CSE1L: variants seen among roughly 807,000 people sequenced by gnomAD.
CSE1L encodes the protein exportin-2.
In CSE1L, 24 loss-of-function variants were observed where a neutral mutation model predicts 120.4. That is an observed-to-expected ratio of 0.20 (90% CI 0.14 to 0.28). CSE1L has a LOEUF of 0.28. Among genes scored for constraint, CSE1L ranks in the 10% least tolerant of loss-of-function variants. The pLI is 1.00. For missense variants in CSE1L, 830 were observed against 1,145.2 expected (o/e 0.72, Z 3.97); for synonymous variants, 402 against 398.3 (o/e 1.01, Z -0.11).
Position 49,072,686 on chromosome 20 carries a change from T to C in CSE1L, c.1055T>C (p.Met352Thr). 2 of 1,608,502 alleles carry C rather than the reference T, an allele frequency of 1.2e-6. No homozygotes were observed. The highest frequency in any genetic ancestry group is 8.5e-7 in the Non-Finnish European group (1 of 1,178,586). Residue 352 changes from methionine to threonine, a missense_variant, in exon 10 of 25, where the codon ATG (methionine) becomes ACG (threonine). Coordinates refer to ENST00000262982, the MANE Select transcript of CSE1L (RefSeq NM_001316.4). ...SICEKVIVPN[M>T]EFRAADEEAF... ...TGTGAAAAGGTTATTGTGCCTAACA[T>C]GGAATTTAGAGGTAATTATGGCAAA... is the stretch of plus-strand genomic sequence containing the variant.
intron 1 of CSE1L, among the ~76,000 whole-genome samples, chr20:49,050,781 A>G (rs2091761348): frequency 6.6e-6 from 1 of 151,778 alleles, no homozygotes; most frequent in Non-Finnish European, 1.5e-5. Flanking sequence ...CTGGTCTTGA[A>G]CGGTCCTTGG....
chr20:49,051,998 A>G (rs1381806253), intron 1 of CSE1L, among the ~76,000 whole-genome samples: 1 of 152,236 alleles, frequency 6.6e-6, no homozygotes, highest in Non-Finnish European at 1.5e-5. Context: ...GCCAGGCCAG[A>G]ACAAATCTAA....
At chr20:49,049,891 G>T (rs141507805) in intron 1 of CSE1L, among the ~76,000 whole-genome samples, 6 of 152,162 alleles carry the variant, frequency 3.9e-5, no homozygotes, top group Non-Finnish European at 2.9e-5. Context: ...GCCAGGTGTG[G>T]TGGTGTGTGC....
chr20:49,053,405 C>T (rs2091784071), intron 1 of CSE1L, among the ~76,000 whole-genome samples: 1 of 118,782 alleles, frequency 8.4e-6, no homozygotes, highest in Non-Finnish European at 1.6e-5. Context: ...GTTGCCCAGG[C>T]TGGAGTGCAA....
intron 17 of CSE1L, 121 bp downstream of exon 17, chr20:49,088,227 C>A: frequency 1.4e-6 from 1 of 691,798 alleles, no homozygotes; most frequent in Non-Finnish European, 2.5e-6. Flanking sequence ...TCCTGACCAG[C>A]CACTAATGGA....
At chr20:49,091,113 C>A in intron 21 of CSE1L, 91 bp downstream of exon 21, 3 of 936,456 alleles carry the variant, frequency 3.2e-6, no homozygotes, top group Non-Finnish European at 5.0e-6. Flanking sequence ...ATTTTTTATC[C>A]GTTTTAAACT....
At position 49,096,372 on chromosome 20, in the gene CSE1L, C is replaced by T; in HGVS notation, c.2850C>T (p.Ser950=). ...PGRVPSMVST[S]LNAEALQYLQ... is the part of the protein sequence containing the mutation. The stretch of plus-strand genomic sequence containing the variant: ...AGGTTCCATCAATGGTGAGCACCAG[C>T]CTGAATGCAGAAGCGCTCCAGTATC... The change falls in exon 25 of 25, where the codon AGC becomes AGT. Residue 950 remains serine (S), a synonymous_variant. Transcript: ENST00000262982. The T allele has an allele frequency of 1.2e-6, 2 of 1,614,016 alleles. No individual in the cohort carries two copies. Among genetic ancestry groups the T allele is most frequent in the Non-Finnish European group, 1.7e-6 (2 of 1,179,948 alleles).
At position 49,066,424 on chromosome 20, in the gene CSE1L, G is replaced by T; in HGVS notation, c.390G>T (p.Leu130Phe). ...ATTTTCCACAGAAATGGCCTGACTTGCTGACAGAAATGGTGAATCGCTTTC... is the reference window on the plus strand; with the variant it reads ...ATTTTCCACAGAAATGGCCTGACTTTCTGACAGAAATGGTGAATCGCTTTC... ...REDFPQKWPD[L>F]LTEMVNRFQS... Residue 130 changes from leucine to phenylalanine, a missense_variant, in exon 5 of 25, where the codon TTG (leucine) becomes TTT (phenylalanine). This residue lies in a region of CSE1L where 543 missense variants were observed against 640.2 expected (regional missense o/e 0.85). Transcript: ENST00000262982. 5 of 1,614,174 alleles carry T rather than the reference G, an allele frequency of 3.1e-6. No individual in the cohort carries two copies. Among genetic ancestry groups the T allele is most frequent in the Non-Finnish European group, 4.2e-6 (5 of 1,180,024 alleles).
At chr20:49,047,515 C>G (rs952059965) in intron 1 of CSE1L, among the ~76,000 whole-genome samples, 6 of 150,150 alleles carry the variant, frequency 4.0e-5, no homozygotes, top group Non-Finnish European at 7.4e-5. Flanking sequence ...TTAGGCCTCC[C>G]CTAACCAACC....
chr20:49,065,586 A>ATTTTTTTTT (rs1169151375), intron 3 of CSE1L, among the ~76,000 whole-genome samples: 1,871 of 76,262 alleles, frequency 0.025, 224 homozygotes, highest in East Asian at 0.09. Context: ...TAAAATGGAA[A>ATTTTTTTTT]TTTTTTTTTT....
chr20:49,059,803 C>T (rs1398870367), intron 2 of CSE1L, among the ~76,000 whole-genome samples: 1 of 151,968 alleles, frequency 6.6e-6, no homozygotes, highest in African/African-American at 2.4e-5. Flanking sequence ...TTGCTTGAAC[C>T]TGGGAGGTGG....
At position 49,050,245 on chromosome 20, in the gene CSE1L, G is replaced by T. The variant is rs535183230; in HGVS notation, c.-12+3822G>T. Among the ~76,000 whole-genome samples, 11 of 136,058 alleles carry T rather than the reference G, an allele frequency of 8.1e-5. No individual in the cohort carries two copies. In the East Asian group the frequency reaches 2.9e-3, roughly 36 times the overall value. The allele number at this position is 136,058 out of a possible 152,430, so 89.3% of individuals were successfully genotyped here. A position where few individuals can be genotyped will look rare whatever the true frequency, so the allele number is the denominator to read the frequency against. On this transcript the variant is annotated intron_variant, in intron 1 of 24. Coordinates refer to ENST00000262982, the MANE Select transcript of CSE1L (RefSeq NM_001316.4). ...ATTTTATTTTATTTTTGGAGACAGG[G>T]TTTCACTCAGTCACCCATACTGGAC...
intron 14 of CSE1L, among the ~76,000 whole-genome samples, chr20:49,082,418 ACAGTCGTGATT>A (rs1416249013): frequency 6.6e-6 from 1 of 152,070 alleles, no homozygotes; most frequent in Admixed American, 6.5e-5. Flanking sequence ...TGCTGGGATT[ACAGTCGTGATT>A]CACCACGCCT....
At chr20:49,086,473 C>T (rs1439570329) in intron 16 of CSE1L, among the ~76,000 whole-genome samples, 4 of 144,034 alleles carry the variant, frequency 2.8e-5, no homozygotes, top group Non-Finnish European at 6.0e-5. Flanking sequence ...TCAAGCGATT[C>T]GCCTGCCTCA....
At chr20:49,062,958 C>T (rs1277376656) in intron 2 of CSE1L, among the ~76,000 whole-genome samples, 1 of 151,818 alleles carries the variant, frequency 6.6e-6, no homozygotes. Context: ...AATTAGGCCA[C>T]TGTATAGGTT....
At position 49,067,270 on chromosome 20, in the gene CSE1L, A is replaced by G. The variant is rs1352882430; in HGVS notation, c.557A>G (p.Asn186Ser). ...GATGCCTTTGCTTTGCCTTTGACTAATCTTTTTAAGGTATGGAATGCATCT... is the reference window on the plus strand; with the variant it reads ...GATGCCTTTGCTTTGCCTTTGACTAGTCTTTTTAAGGTATGGAATGCATCT... ...VLDAFALPLTNLFKATIELCS... is the reference protein window; with the variant it reads ...VLDAFALPLTSLFKATIELCS... Residue 186 changes from asparagine (N) to serine (S), a missense_variant, in exon 6 of 25, where the codon AAT becomes AGT. Coordinates refer to ENST00000262982, the MANE Select transcript of CSE1L (RefSeq NM_001316.4). 4.4e-6 allele frequency: 7 copies of G among 1,603,734 alleles called. No individual in the cohort carries two copies. The highest frequency in any genetic ancestry group is 1.7e-5 in the Admixed American group (1 of 59,686).
intron 14 of CSE1L, among the ~76,000 whole-genome samples, chr20:49,082,642 C>G (rs549528949): frequency 6.6e-6 from 1 of 152,170 alleles, no homozygotes; most frequent in Admixed American, 6.5e-5. Context: ...GCCTCAGCCT[C>G]GCGATAGCTG....
intron 20 of CSE1L, 48 bp downstream of exon 20, chr20:49,090,887 T>C: frequency 6.3e-7 from 1 of 1,598,230 alleles, no homozygotes; most frequent in Non-Finnish European, 8.6e-7. Flanking sequence ...TTTTGTTAGG[T>C]GCTCAGAAAA....
intron 16 of CSE1L, among the ~76,000 whole-genome samples, chr20:49,086,736 A>G (rs1424131777): frequency 6.6e-6 from 1 of 152,150 alleles, no homozygotes; most frequent in African/African-American, 2.4e-5. Context: ...GGTATGTAAG[A>G]ATACACAGTA....
Sources: allele counts gnomAD v4.1 joint callset (sites outside exome capture counted in the v4.1 genomes callset), GRCh38; gene constraint gnomAD v4.1.1; regional missense constraint gnomAD v4.1.1; transcripts MANE v1.5; gene names NCBI Gene and HGNC (gene_info 2026-07-23, HGNC 2026-07-21).